Variants in KATNAL1 observed in about 807,000 individuals in gnomAD.
KATNAL1 encodes the protein katanin p60 ATPase-containing subunit A-like 1.
A neutral mutation model predicts 55.2 loss-of-function variants in KATNAL1; 32 were observed. That is an observed-to-expected ratio of 0.58 (90% CI 0.44 to 0.78). KATNAL1 has a LOEUF of 0.78. KATNAL1 is among the 30% of genes least tolerant of loss of function. The pLI is 0.00. For missense variants in KATNAL1, 466 were observed against 600.9 expected (o/e 0.78, Z 2.35); for synonymous variants, 193 against 193.6 (o/e 1.00, Z 0.02).
At chr13:30,211,167 T>C (rs1873655293) in intron 9 of KATNAL1, among the ~76,000 whole-genome samples, 1 of 152,228 alleles carries the variant, frequency 6.6e-6, no homozygotes, top group Admixed American at 6.5e-5. Flanking sequence ...TTTCCTGAGA[T>C]ACAAAATGAA....
At chr13:30,241,751 C>T (rs1052559065) in intron 4 of KATNAL1, among the ~76,000 whole-genome samples, 1 of 152,100 alleles carries the variant, frequency 6.6e-6, no homozygotes, top group African/African-American at 2.4e-5. Context: ...GGAAAAGAGA[C>T]AAGAGAACAA....
Position 30,245,296 on chromosome 13 carries a change from C to T in KATNAL1, c.493-4210G>A, listed in dbSNP as rs113459093. Among the ~76,000 whole-genome samples the T allele has an allele frequency of 1.2e-3, 179 of 152,230 alleles. 1 individual carries two copies. Among genetic ancestry groups the T allele is most frequent in the African/African-American group, 4.1e-3 (171 of 41,548 alleles). On this transcript the variant is annotated intron_variant, in intron 4 of 10. Transcript: ENST00000380615. ...TCCATCACATAAACAGAATCAATGACAAAAACCACGTGATAATCTCAATAC... is the reference window on the plus strand; with the variant it reads ...TCCATCACATAAACAGAATCAATGATAAAAACCACGTGATAATCTCAATAC...
Position 30,218,205 on chromosome 13 carries a change from A to AATATATATAT in KATNAL1, c.1148-7773_1148-7764dup, listed in dbSNP as rs34056263. Among the ~76,000 whole-genome samples, 188 of 139,504 alleles carry AATATATATAT rather than the reference A, an allele frequency of 1.3e-3. 1 individual carries two copies. The highest frequency in any genetic ancestry group is 3.1e-3 in the African/African-American group (115 of 37,640). The allele number at this position is 139,504 out of a possible 152,430, so 91.5% of individuals were successfully genotyped here. A position where few individuals can be genotyped will look rare whatever the true frequency, so the allele number is the denominator to read the frequency against. ...TAAGATGTGAACTTGCAGTAAAAGG[A>AATATATATAT]ATATATATATATATATATATATAAA... On this transcript the variant is annotated intron_variant, in intron 9 of 10. Transcript: ENST00000380615.
At chr13:30,229,324 A>G (rs1875843241) in intron 8 of KATNAL1, among the ~76,000 whole-genome samples, 1 of 152,056 alleles carries the variant, frequency 6.6e-6, no homozygotes, top group African/African-American at 2.4e-5. Context: ...CTTCTACGCC[A>G]GAATGTACCA....
chr13:30,239,586 CTT>C (rs1424627108), intron 6 of KATNAL1, among the ~76,000 whole-genome samples: 1 of 151,618 alleles, frequency 6.6e-6, no homozygotes, highest in Non-Finnish European at 1.5e-5. Flanking sequence ...AGAAATATAT[CTT>C]TATTTTCTTA....
At chr13:30,272,368 A>G (rs1192540156) in intron 3 of KATNAL1, among the ~76,000 whole-genome samples, 4 of 152,174 alleles carry the variant, frequency 2.6e-5, no homozygotes, top group Admixed American at 1.3e-4. Flanking sequence ...ACTGCACTTC[A>G]GCCTGGGCGA....
At chr13:30,223,424 A>G (rs1875113197) in intron 9 of KATNAL1, among the ~76,000 whole-genome samples, 1 of 131,544 alleles carries the variant, frequency 7.6e-6, no homozygotes, top group African/African-American at 2.8e-5. Context: ...CCAGGGTGAC[A>G]GAGCGAGACT....
chr13:30,208,850 G>A (rs1264748910), intron 10 of KATNAL1, 112 bp from the exon 11 acceptor site: 1 of 777,034 alleles, frequency 1.3e-6, no homozygotes, highest in Non-Finnish European at 1.9e-6. Context: ...ATGTTTTTAT[G>A]AGGCTTCTTA....
chr13:30,265,418 G>GA (rs66687023), intron 3 of KATNAL1, among the ~76,000 whole-genome samples: 5 of 149,740 alleles, frequency 3.3e-5, no homozygotes, highest in Non-Finnish European at 5.9e-5. Flanking sequence ...TAAAAAAAAA[G>GA]AAAAAAAAGC....
rs1352377875 is a variant in KATNAL1, at chr13:30,231,602, A to G, written c.727-130T>C. On this transcript the variant is annotated intron_variant, in intron 6 of 10. Transcript: ENST00000380615. ...AACTCAAAATTGTCACAGTAAAATC[A>G]TGATGCATTTAGTAAGAGTATTATT... is the stretch of plus-strand genomic sequence containing the variant. 9.3e-5 allele frequency: 49 copies of G among 525,354 alleles called. No homozygotes were observed. In the East Asian group the frequency reaches 1.7e-3, roughly 18 times the overall value. 32.5% of individuals were successfully genotyped at this position (525,354 alleles called of 1,614,324 possible).
chr13:30,269,811 T>C (rs1488735469), intron 3 of KATNAL1, among the ~76,000 whole-genome samples: 12 of 144,130 alleles, frequency 8.3e-5, no homozygotes, highest in South Asian at 2.3e-4. Flanking sequence ...CCGCCCCATC[T>C]GAGAAGTGAG....
At chr13:30,227,595 A>G in intron 8 of KATNAL1, 49 bp from the exon 9 acceptor site, 1 of 1,569,822 alleles carries the variant, frequency 6.4e-7, no homozygotes, top group Non-Finnish European at 8.7e-7. Flanking sequence ...ACAACTCTTT[A>G]TTCTTTCATT....
chr13:30,268,547 A>T (rs1191835742), intron 3 of KATNAL1, among the ~76,000 whole-genome samples: 1 of 152,230 alleles, frequency 6.6e-6, no homozygotes, highest in Non-Finnish European at 1.5e-5. Flanking sequence ...ACCTATAAAC[A>T]AACAACAAAC....
At chr13:30,227,246 A>G (rs1273084302) in intron 9 of KATNAL1, among the ~76,000 whole-genome samples, 166 bp downstream of exon 9, 1 of 152,256 alleles carries the variant, frequency 6.6e-6, no homozygotes, top group Admixed American at 6.5e-5. Flanking sequence ...TCTCTGAAAC[A>G]TAAGAAATTT....
At chr13:30,271,643 A>G (rs1880368865) in intron 3 of KATNAL1, among the ~76,000 whole-genome samples, 2 of 152,160 alleles carry the variant, frequency 1.3e-5, no homozygotes, top group African/African-American at 4.8e-5. Context: ...CCCCTCCACC[A>G]ACATTAGAGA....
intron 3 of KATNAL1, among the ~76,000 whole-genome samples, chr13:30,272,937 C>G (rs1027875963): frequency 1.3e-5 from 2 of 152,196 alleles, no homozygotes; most frequent in Non-Finnish European, 2.9e-5. Context: ...AAGCGCTCAC[C>G]TCTATATCTG....
intron 1 of KATNAL1, among the ~76,000 whole-genome samples, chr13:30,301,272 A>C (rs1882836119): frequency 6.6e-6 from 1 of 152,182 alleles, no homozygotes; most frequent in South Asian, 2.1e-4. Context: ...CAGGAGGCTG[A>C]GGCGGCAGAA....
At chr13:30,227,383 G>A (rs747198165) in intron 9 of KATNAL1, 29 bp downstream of exon 9, 1 of 1,589,114 alleles carries the variant, frequency 6.3e-7, no homozygotes, top group African/African-American at 1.3e-5. Context: ...AAAAGTAACA[G>A]AAAGCTCAAA....
chr13:30,289,129 T>A (rs1490967768), intron 1 of KATNAL1, among the ~76,000 whole-genome samples: 1 of 152,236 alleles, frequency 6.6e-6, no homozygotes, highest in African/African-American at 2.4e-5. Flanking sequence ...TCTTTAGCTA[T>A]TCTACACACA....
Sources: allele counts gnomAD v4.1 joint callset (sites outside exome capture counted in the v4.1 genomes callset), GRCh38; gene constraint gnomAD v4.1.1; transcripts MANE v1.5; gene names NCBI Gene and HGNC (gene_info 2026-07-23, HGNC 2026-07-21).